Variants in USP8 observed in about 807,000 individuals in gnomAD.
The protein encoded by USP8 is ubiquitin specific peptidase 8.
A neutral mutation model predicts 130.0 loss-of-function variants in USP8; 27 were observed. The observed-to-expected ratio is 0.21, with a 90% CI of 0.15 to 0.29. The LOEUF (loss-of-function observed/expected upper bound fraction) is 0.29. USP8 is among the 10% of genes least tolerant of loss of function. The probability of loss-of-function intolerance (pLI) is 1.00; values close to 1 mark genes in which losing one functional copy is unlikely to be tolerated. For synonymous variants in USP8, 392 were observed against 444.1 expected, an observed-to-expected ratio of 0.88 and a Z score of 1.48; for missense variants, 1,029 against 1,312.2, an observed-to-expected ratio of 0.78 and a Z score of 3.33.
intron 1 of USP8, among the ~76,000 whole-genome samples, chr15:50,426,240 T>TA (rs1340980892): frequency 6.6e-6 from 1 of 152,178 alleles, no homozygotes; most frequent in Non-Finnish European, 1.5e-5. Flanking sequence ...AGCACTATAT[T>TA]ACGAACTTTT....
chr15:50,466,444 C>T (rs1220519359), intron 7 of USP8, among the ~76,000 whole-genome samples: 3 of 151,882 alleles, frequency 2.0e-5, no homozygotes, highest in Non-Finnish European at 2.9e-5. Context: ...ACTAAAAATA[C>T]TTCAGCCAGG....
rs1002210726 is a variant in USP8 at position 50,500,840 on chromosome 15, A to G, written c.*1752A>G. 8.9e-6 allele frequency: 14 copies of G among 1,575,808 alleles called. No individual in the cohort carries two copies. The highest frequency in any genetic ancestry group is 1.7e-4 in the Middle Eastern group (1 of 6,040). On this transcript the variant is annotated 3_prime_UTR_variant, in exon 20 of 20. Transcript: ENST00000307179. ...CCATCCAAATCACCAAAATGGTTCT[A>G]TGGGAGAAAGGAATGTCAAACTTAG...
At chr15:50,429,070 T>C (rs191721393) in intron 1 of USP8, among the ~76,000 whole-genome samples, 2 of 152,332 alleles carry the variant, frequency 1.3e-5, no homozygotes, top group Non-Finnish European at 1.5e-5. Flanking sequence ...TTAAAACTTA[T>C]GAATTGTTTA....
chr15:50,492,195 C>T (rs928682424), intron 14 of USP8, among the ~76,000 whole-genome samples: 7 of 152,062 alleles, frequency 4.6e-5, no homozygotes, highest in Middle Eastern at 3.2e-3. Context: ...TGTATCCATC[C>T]GTGAATAGTC....
At chr15:50,485,203 T>A (rs1346206813) in intron 12 of USP8, among the ~76,000 whole-genome samples, 1 of 152,054 alleles carries the variant, frequency 6.6e-6, no homozygotes, top group Non-Finnish European at 1.5e-5. Context: ...TGGCTCACGC[T>A]TGTAATCCCA....
chr15:50,445,698 A>G lies in USP8; in HGVS notation c.250-3702A>G, dbSNP rs548591353. Among the ~76,000 whole-genome samples, 17 of 148,150 alleles carry G rather than the reference A, an allele frequency of 1.1e-4. No individual in the cohort carries two copies. The South Asian group carries it at 3.0e-3, about 26-fold the overall frequency. On this transcript the variant is annotated intron_variant, in intron 3 of 19. Coordinates refer to ENST00000307179, the MANE Select transcript of USP8 (RefSeq NM_005154.5). Reference sequence around the variant, plus strand: ...AACCCCATCTCTACTAAAAATACGTAAAAAAAAAATTAGCTAGGTGTGGTG... The same window carrying G: ...AACCCCATCTCTACTAAAAATACGTGAAAAAAAAATTAGCTAGGTGTGGTG...
chr15:50,467,544 TTTCA>T (rs1439155688), intron 7 of USP8, among the ~76,000 whole-genome samples: 1 of 152,056 alleles, frequency 6.6e-6, no homozygotes, highest in Admixed American at 6.6e-5. Context: ...TACTGTATTT[TTTCA>T]TTATCTATTT....
chr15:50,495,710 A>C (rs2052370919), intron 16 of USP8, 138 bp from the exon 17 acceptor site: 1 of 652,234 alleles, frequency 1.5e-6, no homozygotes, highest in Non-Finnish European at 2.6e-6. Flanking sequence ...TTTTTGCCAC[A>C]CTCAGTGAGA....
rs761699067 is a variant in USP8, at chr15:50,497,136, C to T, written c.2943C>T (p.Asn981=). The T allele has an allele frequency of 3.7e-6, 6 of 1,608,240 alleles. No homozygotes were observed. The African/African-American group carries it at 8.1e-5, about 22-fold the overall frequency. Residue 981 remains asparagine (N), a synonymous_variant, in exon 18 of 20, where the codon AAC becomes AAT. Transcript: ENST00000307179. The part of the protein sequence containing the change: ...FSKEEKLTDN[N]RFYCSHCRAR... ...AAGAAGAAAAACTCACAGATAACAA[C>T]AGATTTTACTGCAGTCATTGCAGAG...
intron 1 of USP8, 125 bp from the exon 2 acceptor site, chr15:50,438,884 A>G: frequency 2.1e-6 from 1 of 472,736 alleles, no homozygotes; most frequent in Non-Finnish European, 3.7e-6. Flanking sequence ...TGAAATAGAT[A>G]TTCTAAACAA....
At chr15:50,468,004 G>A (rs1419335075) in intron 7 of USP8, among the ~76,000 whole-genome samples, 2 of 149,716 alleles carry the variant, frequency 1.3e-5, no homozygotes, top group East Asian at 1.9e-4. Context: ...GTGTGATCTC[G>A]GCCAACTGCA....
At chr15:50,442,820 G>A (rs1287901815) in intron 3 of USP8, among the ~76,000 whole-genome samples, 1 of 152,122 alleles carries the variant, frequency 6.6e-6, no homozygotes, top group Non-Finnish European at 1.5e-5. Flanking sequence ...CAAAAGTGAA[G>A]AATGTTGTGT....
chr15:50,460,600 C>T (rs2050959994), intron 5 of USP8, among the ~76,000 whole-genome samples: 1 of 151,978 alleles, frequency 6.6e-6, no homozygotes. Flanking sequence ...TGAGCCACCA[C>T]TCCTGGCTTC....
In USP8 at chr15:50,476,967, G is replaced by A. The variant is rs759611314; in HGVS notation, c.968G>A (p.Arg323His). ...GCTAAGGTCACTCCACCCCCACGAC[G>A]CCAGAATGAAGAGGTGTCTATCTCA... ...TNAKVTPPPR[R>H]QNEEVSISLD... The change falls in exon 9 of 20, where the codon CGC becomes CAC. Residue 323 changes from arginine (R) to histidine (H), a missense_variant. This residue lies in a region of USP8 where 486 missense variants were observed against 522.0 expected (regional missense o/e 0.93). Coordinates refer to ENST00000307179, the MANE Select transcript of USP8 (RefSeq NM_005154.5). 3 of 1,606,634 alleles carry A rather than the reference G, an allele frequency of 1.9e-6. No homozygotes were observed. Among genetic ancestry groups the A allele is most frequent in the East Asian group, 2.2e-5 (1 of 44,816 alleles).
chr15:50,489,931 TTTTA>T (rs777390384), intron 13 of USP8, 50 bp downstream of exon 13: 7 of 1,421,750 alleles, frequency 4.9e-6, no homozygotes, highest in Admixed American at 4.6e-5. Flanking sequence ...CTAAAAAATG[TTTTA>T]TTTGTTTATT....
At chr15:50,448,268 C>G (rs958392693) in intron 3 of USP8, among the ~76,000 whole-genome samples, 1 of 152,126 alleles carries the variant, frequency 6.6e-6, no homozygotes, top group Non-Finnish European at 1.5e-5. Flanking sequence ...CTAGTAGGCT[C>G]TATTTGCAAA....
Position 50,465,063 on chromosome 15 carries a change from G to A in USP8, c.558G>A (p.Lys186=), listed in dbSNP as rs774177317. 1.2e-6 allele frequency: 2 copies of A among 1,613,950 alleles called. No homozygotes were observed. The highest frequency in any genetic ancestry group is 1.7e-6 in the Non-Finnish European group (2 of 1,179,940). The change falls in exon 7 of 20, where the codon AAG becomes AAA. Residue 186 remains lysine, a synonymous_variant. Transcript: ENST00000307179. The part of the protein sequence containing the change: ...ETKEKGAITA[K]ELYTMMTDKN... ...AATTCCAAGGAGCAATCACAGCAAAGGAACTATACACAATGATGACGGATA... is the reference window on the plus strand; with the variant it reads ...AATTCCAAGGAGCAATCACAGCAAAAGAACTATACACAATGATGACGGATA...
chr15:50,469,983 C>T (rs1053442056), intron 7 of USP8, among the ~76,000 whole-genome samples: 1 of 152,126 alleles, frequency 6.6e-6, no homozygotes, highest in Non-Finnish European at 1.5e-5. Flanking sequence ...AGTCATGCAC[C>T]ACCACTTCCA....
rs532485297 is a variant in USP8, at chr15:50,449,495, T to C, written c.335+10T>C. The stretch of plus-strand genomic sequence containing the variant: ...AAAGCCTTAAATTAAGGTACAGATA[T>C]TATGAAATATTTAAAATAATGTAAA... On this transcript the variant is annotated intron_variant, in intron 4 of 19. Coordinates refer to ENST00000307179, the MANE Select transcript of USP8 (RefSeq NM_005154.5). 1.1e-5 allele frequency: 16 copies of C among 1,481,074 alleles called. No homozygotes were observed. In the South Asian group the frequency reaches 1.9e-4, roughly 17 times the overall value. 91.7% of individuals were successfully genotyped at this position (1,481,074 alleles called of 1,614,324 possible).
Sources: allele counts gnomAD v4.1 joint callset (sites outside exome capture counted in the v4.1 genomes callset), GRCh38; gene constraint gnomAD v4.1.1; regional missense constraint gnomAD v4.1.1; transcripts MANE v1.5; gene names NCBI Gene and HGNC (gene_info 2026-07-23, HGNC 2026-07-21).